EXOC5: variants seen among roughly 807,000 people sequenced by gnomAD.
EXOC5 encodes the protein exocyst complex component 5.
In EXOC5, 17 loss-of-function variants were observed where a neutral mutation model predicts 90.8. The observed-to-expected ratio is 0.19, with a 90% confidence interval of 0.13 to 0.28. The LOEUF (loss-of-function observed/expected upper bound fraction) is 0.28. EXOC5 is among the 10% of genes least tolerant of loss of function. EXOC5 has a pLI of 1.00. For synonymous variants in EXOC5, 260 were observed against 270.0 expected, an observed-to-expected ratio of 0.96 and a Z score of 0.36; for missense variants, 569 against 830.6, an observed-to-expected ratio of 0.69 and a Z score of 3.87.
At chr14:57,217,438 A>G (rs553041181) in intron 15 of EXOC5, among the ~76,000 whole-genome samples, 73 of 152,280 alleles carry the variant, frequency 4.8e-4, no homozygotes, top group African/African-American at 1.7e-3. Flanking sequence ...ACAATATTTC[A>G]AACTTTTTCA....
At chr14:57,221,823 T>C (rs1431593422) in intron 13 of EXOC5, among the ~76,000 whole-genome samples, 1 of 152,166 alleles carries the variant, frequency 6.6e-6, no homozygotes, top group African/African-American at 2.4e-5. Flanking sequence ...ATTGAACAGG[T>C]GAAGTAGACA....
chr14:57,242,119 C>T (rs375756470), intron 4 of EXOC5, among the ~76,000 whole-genome samples: 1 of 126,834 alleles, frequency 7.9e-6, no homozygotes, highest in Non-Finnish European at 1.6e-5. Flanking sequence ...GGGGACAGAG[C>T]GAGACTCCGT....
intron 12 of EXOC5, among the ~76,000 whole-genome samples, chr14:57,228,011 T>C (rs943685133): frequency 7.6e-4 from 109 of 144,240 alleles, no homozygotes; most frequent in African/African-American, 2.3e-3. Context: ...TATATATACA[T>C]ACACACACAC....
chr14:57,235,345 T>TCTGGTTCCTATATC (rs1394384496), intron 7 of EXOC5, among the ~76,000 whole-genome samples: 1 of 152,170 alleles, frequency 6.6e-6, no homozygotes, highest in Non-Finnish European at 1.5e-5. Flanking sequence ...CCATCTACTC[T>TCTGGTTCCTATATC]CTGGTTCCTA....
At chr14:57,209,885 T>C (rs1882773847) in intron 16 of EXOC5, 68 bp downstream of exon 16, 1 of 1,162,946 alleles carries the variant, frequency 8.6e-7, no homozygotes, top group South Asian at 1.4e-5. Flanking sequence ...GAAAAAAATC[T>C]AGGGCACAGT....
Position 57,233,830 on chromosome 14 carries a change from T to A in EXOC5, c.768A>T (p.Arg256Ser), listed in dbSNP as rs781753030. The A allele has an allele frequency of 5.6e-6, 9 of 1,609,264 alleles. No homozygotes were observed. The South Asian group carries it at 9.9e-5, about 18-fold the overall frequency. The change falls in exon 9 of 18, where the codon AGA becomes AGT. Residue 256 changes from arginine (R) to serine (S), a missense_variant. Arg to Ser is a moderately radical substitution (Grantham distance 110, BLOSUM62 -1). Around this residue, in one of 9 missense-constraint regions of EXOC5, gnomAD observed 114 missense variants for 111.2 expected, o/e 1.03. Coordinates refer to ENST00000621441, the MANE Select transcript of EXOC5 (RefSeq NM_006544.4). ...AGATATCTCCAACTTGTTTGTTCAC[T>A]CTTTGACAGAGTATTCCAGCGTCTT... ...IFEDAGILCQ[R>S]VNKQVGDIFS...
At position 57,229,723 on chromosome 14, in the gene EXOC5, A is replaced by C; in HGVS notation, c.1296+11T>G. 2 of 1,459,946 alleles carry C rather than the reference A, an allele frequency of 1.4e-6. No individual in the cohort carries two copies. The highest frequency in any genetic ancestry group is 1.8e-6 in the Non-Finnish European group (2 of 1,087,684). The allele number at this position is 1,459,946 out of a possible 1,614,324, so 90.4% of individuals were successfully genotyped here. A position where few individuals can be genotyped will look rare whatever the true frequency, so the allele number is the denominator to read the frequency against. On this transcript the variant is annotated intron_variant, in intron 12 of 17. Transcript: ENST00000621441. Reference sequence around the variant, plus strand: ...ACTGTATATGTAAAATACATTTACAATCACTCTTACCCTATGACATCTTTC... The same window carrying C: ...ACTGTATATGTAAAATACATTTACACTCACTCTTACCCTATGACATCTTTC...
intron 11 of EXOC5, among the ~76,000 whole-genome samples, chr14:57,230,439 A>G (rs1029664078): frequency 6.7e-6 from 1 of 149,332 alleles, no homozygotes; most frequent in Non-Finnish European, 1.5e-5. Flanking sequence ...ACACACACAC[A>G]CACACAAACA....
rs1882644609 is a variant in EXOC5, at chr14:57,206,137, T to C, written c.*2472A>G. 1 of 377,968 alleles carries C rather than the reference T, an allele frequency of 2.6e-6. No individual in the cohort carries two copies. The highest frequency in any genetic ancestry group is 5.2e-6 in the Non-Finnish European group (1 of 193,110). 23.4% of individuals were successfully genotyped at this position (377,968 alleles called of 1,614,324 possible). ...TTCAATGCATTACCTAAATACTGCA[T>C]ATTAGCTCATGCGGTATTGTGTAAT... On this transcript the variant is annotated 3_prime_UTR_variant, in exon 18 of 18. Transcript: ENST00000621441.
chr14:57,201,144 T>A lies in EXOC5; in HGVS notation c.*7465A>T, dbSNP rs1179210335. On this transcript the variant is annotated 3_prime_UTR_variant, in exon 18 of 18. Transcript: ENST00000621441. ...AATAAGCACATCTCATGCACAAATC[T>A]TGATTTCTAACTGCCAATTTCACTA... 6.6e-6 allele frequency: 1 copy of A among 152,084 alleles called. No individual in the cohort carries two copies. Among genetic ancestry groups the A allele is most frequent in the African/African-American group, 2.4e-5 (1 of 41,410 alleles). 9.4% of individuals were successfully genotyped at this position (152,084 alleles called of 1,614,324 possible).
In EXOC5 at chr14:57,202,225, G is replaced by A. The variant is rs1882530009; in HGVS notation, c.*6384C>T. On this transcript the variant is annotated 3_prime_UTR_variant, in exon 18 of 18. Coordinates refer to ENST00000621441, the MANE Select transcript of EXOC5 (RefSeq NM_006544.4). ...AAATGTCCAGAGTCAAAAAAGTCAAGGAAAGACTGTGGAACTGTGTCAGAA... is the reference window on the plus strand; with the variant it reads ...AAATGTCCAGAGTCAAAAAAGTCAAAGAAAGACTGTGGAACTGTGTCAGAA... 1.3e-5 allele frequency: 2 copies of A among 152,180 alleles called. No individual in the cohort carries two copies. Among genetic ancestry groups the A allele is most frequent in the South Asian group, 4.1e-4 (2 of 4,822 alleles). 9.4% of individuals were successfully genotyped at this position (152,180 alleles called of 1,614,324 possible). A position where few individuals can be genotyped will look rare whatever the true frequency, so the allele number is the denominator to read the frequency against.
At chr14:57,251,282 AC>A (rs1171942516) in intron 1 of EXOC5, among the ~76,000 whole-genome samples, 1 of 152,122 alleles carries the variant, frequency 6.6e-6, no homozygotes, top group Non-Finnish European at 1.5e-5. Flanking sequence ...TCCAAAAAGG[AC>A]CCTGTCCTCC....
Position 57,233,769 on chromosome 14 carries a change from G to T in EXOC5, c.829C>A (p.Gln277Lys). 6.3e-7 allele frequency: 1 copy of T among 1,582,144 alleles called. No individual in the cohort carries two copies. Among genetic ancestry groups the T allele is most frequent in the Non-Finnish European group, 8.7e-7 (1 of 1,153,072 alleles). ...NPETVLAKLI[Q>K]NVFEIKLQSF... Reference sequence around the variant, plus strand: ...TGTAGTTTGATTTCAAATACATTTTGAATAAGTTTAGCCAGGACTGTTTCT... The same window carrying T: ...TGTAGTTTGATTTCAAATACATTTTTAATAAGTTTAGCCAGGACTGTTTCT... The change falls in exon 9 of 18, where the codon CAA becomes AAA. Residue 277 changes from glutamine (Q) to lysine (K), a missense_variant. Coordinates refer to ENST00000621441, the MANE Select transcript of EXOC5 (RefSeq NM_006544.4).
intron 15 of EXOC5, among the ~76,000 whole-genome samples, chr14:57,216,782 A>G (rs560657003): frequency 5.3e-5 from 8 of 152,316 alleles, no homozygotes; most frequent in Admixed American, 1.3e-4. Flanking sequence ...AACAAAGACA[A>G]ATGAGACTGC....
chr14:57,268,625 G>A lies in EXOC5; in HGVS notation c.24C>T (p.Phe8=), dbSNP rs1455512459. 1 of 1,590,970 alleles carries A rather than the reference G, an allele frequency of 6.3e-7. No individual in the cohort carries two copies. The highest frequency in any genetic ancestry group is 8.5e-7 in the Non-Finnish European group (1 of 1,174,336). MATTAEL[F]EEPFVADEYI... is the part of the protein sequence containing the mutation. Reference sequence around the variant, plus strand: ...CTGTAGAGCCGCCGGGGCCCACCTCGAAGAGCTCGGCCGTGGTAGCCATCC... The same window carrying A: ...CTGTAGAGCCGCCGGGGCCCACCTCAAAGAGCTCGGCCGTGGTAGCCATCC... The change falls in exon 1 of 18, where the codon TTC becomes TTT. Residue 8 remains phenylalanine, a synonymous_variant. Transcript: ENST00000621441.
chr14:57,251,024 G>A (rs1436578779), intron 1 of EXOC5, among the ~76,000 whole-genome samples: 1 of 152,204 alleles, frequency 6.6e-6, no homozygotes, highest in African/African-American at 2.4e-5. Context: ...TGGGAAGATG[G>A]TGGAGTAAAT....
intron 7 of EXOC5, among the ~76,000 whole-genome samples, chr14:57,234,537 GTA>G (rs1207873435): frequency 0.015 from 2,124 of 141,072 alleles, 12 homozygotes; most frequent in Non-Finnish European, 0.022. Context: ...GTGTGTGTGT[GTA>G]TATATATATA....
At position 57,231,698 on chromosome 14, in the gene EXOC5, C is replaced by A; in HGVS notation, c.956G>T (p.Ser319Ile). 1 of 1,604,542 alleles carries A rather than the reference C, an allele frequency of 6.2e-7. No individual in the cohort carries two copies. The highest frequency in any genetic ancestry group is 8.5e-7 in the Non-Finnish European group (1 of 1,175,764). ...ACCTAAATTAAACTCCATCAGCTTGCTGGAAAGATTGGTGGTTCTTTTCAT... is the reference window on the plus strand; with the variant it reads ...ACCTAAATTAAACTCCATCAGCTTGATGGAAAGATTGGTGGTTCTTTTCAT... Reference protein sequence around the residue: ...DLYTRTTNLSSKLMEFNLGTD... With the variant: ...DLYTRTTNLSIKLMEFNLGTD... Residue 319 changes from serine (S) to isoleucine (I), a missense_variant, in exon 11 of 18, where the codon AGC (serine) becomes ATC (isoleucine). Ser to Ile is a moderately radical substitution (Grantham distance 142, BLOSUM62 -2). Coordinates refer to ENST00000621441, the MANE Select transcript of EXOC5 (RefSeq NM_006544.4).
chr14:57,255,271 T>C (rs1032948510), intron 1 of EXOC5, among the ~76,000 whole-genome samples: 2 of 152,082 alleles, frequency 1.3e-5, no homozygotes, highest in Non-Finnish European at 2.9e-5. Flanking sequence ...ACTAATCACA[T>C]GGTTGGCAAG....
Sources: gnomAD v4.1 joint callset for allele counts (sites outside exome capture counted in the v4.1 genomes callset) on GRCh38, gnomAD v4.1.1 for gene constraint, gnomAD v4.1.1 regional missense constraint, MANE v1.5 for transcripts, NCBI Gene and HGNC (gene_info 2026-07-23, HGNC 2026-07-21) for gene names.